The following AFF3 variants were observed in gnomAD, a reference collection of about 807,000 sequenced individuals.
AFF3 encodes AF4/FMR2 family member 3.
A neutral mutation model predicts 129.7 loss-of-function variants in AFF3; 32 were observed. The ratio of observed to expected loss-of-function variants is 0.25; its 90% CI spans 0.19 to 0.33. The LOEUF (loss-of-function observed/expected upper bound fraction) is 0.33, where lower values mean the gene tolerates loss of function less well. Ranked by LOEUF, AFF3 falls within the 10% of genes least tolerant of loss-of-function variation. The pLI, the probability that AFF3 is intolerant of heterozygous loss-of-function variation, is 1.00. For synonymous variants in AFF3, 644 were observed against 635.4 expected (o/e 1.01, Z -0.20); for missense variants, 1,373 against 1,592.0 (o/e 0.86, Z 2.34).
intron 7 of AFF3, among the ~76,000 whole-genome samples, chr2:99,946,455 C>T (rs969953722): frequency 8.5e-6 from 1 of 117,582 alleles, no homozygotes; most frequent in Non-Finnish European, 1.6e-5. Context: ...GCCTGGTTGA[C>T]AGAGTGAGAC....
intron 15 of AFF3, among the ~76,000 whole-genome samples, chr2:99,592,403 G>T (rs1480166932): frequency 1.3e-5 from 2 of 152,118 alleles, no homozygotes; most frequent in Non-Finnish European, 2.9e-5. Flanking sequence ...GCTGCATCAG[G>T]GTCTGCCGTA....
intron 15 of AFF3, among the ~76,000 whole-genome samples, chr2:99,588,539 C>T (rs1046801589): frequency 6.6e-6 from 1 of 152,178 alleles, no homozygotes; most frequent in African/African-American, 2.4e-5. Context: ...TACCATTTTC[C>T]ATGAGATAAC....
At chr2:99,692,856 A>G (rs1675816036) in intron 11 of AFF3, among the ~76,000 whole-genome samples, 1 of 152,242 alleles carries the variant, frequency 6.6e-6, no homozygotes, top group Non-Finnish European at 1.5e-5. Context: ...CTTAGTCTTA[A>G]GCTGTATCAG....
chr2:99,700,106 ACTT>A (rs934166650), intron 11 of AFF3, among the ~76,000 whole-genome samples: 1 of 146,354 alleles, frequency 6.8e-6, no homozygotes, highest in Admixed American at 7.0e-5. Flanking sequence ...AGCTGCTGCA[ACTT>A]GCTTCAAAGC....
chr2:99,765,391 A>T (rs1293693208), intron 8 of AFF3, among the ~76,000 whole-genome samples: 1 of 152,234 alleles, frequency 6.6e-6, no homozygotes, highest in Non-Finnish European at 1.5e-5. Flanking sequence ...TGTGCATTCA[A>T]TAAAACCCCT....
intron 7 of AFF3, among the ~76,000 whole-genome samples, chr2:99,860,426 T>C (rs11123801): frequency 0.79 from 119,708 of 151,894 alleles, 47,942 homozygotes; most frequent in South Asian, 0.93. Context: ...TGGTGGCGGG[T>C]GCCTGTAGCC....
At chr2:100,039,230 C>T (rs1052115762) in intron 4 of AFF3, among the ~76,000 whole-genome samples, 1 of 152,146 alleles carries the variant, frequency 6.6e-6, no homozygotes, top group African/African-American at 2.4e-5. Context: ...GTGTTTTCTA[C>T]CAGACCTGAT....
At chr2:99,648,300 T>TTTTGTAAACTTTGAGGGTG (rs67726196) in intron 13 of AFF3, among the ~76,000 whole-genome samples, 1 of 3,940 alleles carries the variant, frequency 2.5e-4, no homozygotes, top group African/African-American at 1.4e-3. Context: ...AATGACCAAG[T>TTTTGTAAACTTTGAGGGTG]TTCCCTTGCG....
At chr2:99,739,570 T>C (rs2105100602) in intron 10 of AFF3, among the ~76,000 whole-genome samples, 1 of 151,906 alleles carries the variant, frequency 6.6e-6, no homozygotes, top group Non-Finnish European at 1.5e-5. Flanking sequence ...TAAGCTTCCA[T>C]TTTATAATAT....
intron 11 of AFF3, among the ~76,000 whole-genome samples, chr2:99,705,151 T>C (rs1677234634): frequency 6.6e-6 from 1 of 152,108 alleles, no homozygotes; most frequent in Non-Finnish European, 1.5e-5. Context: ...TGGGAAGATG[T>C]CAGAGGCTTG....
chr2:99,837,133 A>AAAAAAATGTACAG (rs1179086078), intron 8 of AFF3, among the ~76,000 whole-genome samples: 1 of 152,188 alleles, frequency 6.6e-6, no homozygotes, highest in African/African-American at 2.4e-5. Flanking sequence ...TGCCTGACTC[A>AAAAAAATGTACAG]AAAAAATGTA....
intron 16 of AFF3, among the ~76,000 whole-genome samples, chr2:99,583,535 AC>A (rs886476039): frequency 2.6e-5 from 4 of 151,962 alleles, no homozygotes; most frequent in Admixed American, 2.6e-4. Context: ...GGTATGCATC[AC>A]CACACCGGGC....
chr2:99,601,539 TGCTGCTGCC>T lies in AFF3; in HGVS notation c.1258_1266del (p.Gly420_Ser422del), dbSNP rs1679835743. The T allele has an allele frequency of 1.2e-6, 2 of 1,602,864 alleles. No homozygotes were observed. Among genetic ancestry groups the T allele is most frequent in the Non-Finnish European group, 1.7e-6 (2 of 1,176,258 alleles). ...CTGCTCTCTGAGTCGCTGGAGGAGC[TGCTGCTGCC>T]GCTGCTGCTGCTGCTGCTGCTGCCC... On this transcript the variant is annotated inframe_deletion, in exon 14 of 25. Transcript: ENST00000672756.
At chr2:100,029,088 G>A (rs371153836) in intron 4 of AFF3, among the ~76,000 whole-genome samples, 1 of 152,134 alleles carries the variant, frequency 6.6e-6, no homozygotes, top group African/African-American at 2.4e-5. Context: ...TCAACCTTAA[G>A]AAGAAAGAAA....
At chr2:99,891,578 C>T (rs1046187400) in intron 7 of AFF3, among the ~76,000 whole-genome samples, 1 of 152,152 alleles carries the variant, frequency 6.6e-6, no homozygotes, top group Non-Finnish European at 1.5e-5. Flanking sequence ...TGCGGGCAGG[C>T]GGGCGACTGA....
chr2:99,649,802 G>A, intron 12 of AFF3, 136 bp from the exon 13 acceptor site: 1 of 837,144 alleles, frequency 1.2e-6, no homozygotes, highest in South Asian at 1.5e-5. Flanking sequence ...GACTAGCAAT[G>A]AAGTAGAGAG....
rs545419893 is a variant in AFF3, at chr2:99,569,221, G to C, written c.2919-306C>G. On this transcript the variant is annotated intron_variant, in intron 18 of 24. Transcript: ENST00000672756. ...TTTATTGTATGGTTAAAAAAAAAGC[G>C]AGAAATCTTATTTTAGGTAATATTT... Among the ~76,000 whole-genome samples the C allele has an allele frequency of 2.2e-3, 336 of 152,142 alleles. 2 individuals carry two copies. The highest frequency in any genetic ancestry group is 4.6e-3 in the Admixed American group (70 of 15,288).
At chr2:99,826,920 A>G (rs1688131715) in intron 8 of AFF3, among the ~76,000 whole-genome samples, 1 of 152,096 alleles carries the variant, frequency 6.6e-6, no homozygotes, top group Non-Finnish European at 1.5e-5. Context: ...GTGGATGAAC[A>G]AGGAGATAGC....
intron 4 of AFF3, among the ~76,000 whole-genome samples, chr2:100,074,080 G>A (rs1268064148): frequency 1.2e-4 from 18 of 152,158 alleles, no homozygotes; most frequent in Non-Finnish European, 2.9e-5. Flanking sequence ...ACTCAGCCAC[G>A]GACCCAATGC....
Sources: gnomAD v4.1 joint callset for allele counts (sites outside exome capture counted in the v4.1 genomes callset) on GRCh38, gnomAD v4.1.1 for gene constraint, MANE v1.5 for transcripts, NCBI Gene and HGNC (gene_info 2026-07-23, HGNC 2026-07-21) for gene names.